Variants in NCALD observed in about 807,000 individuals in gnomAD.
NCALD encodes the protein neurocalcin-delta.
NCALD carries 10 observed loss-of-function variants against 18.6 expected under a neutral mutation model. That is an observed-to-expected ratio of 0.54 (90% CI 0.33 to 0.91). NCALD has a LOEUF of 0.91. Among genes scored for constraint, NCALD ranks in the 40% least tolerant of loss-of-function variants. NCALD has a pLI of 0.03. For synonymous variants in NCALD, 88 were observed against 87.4 expected (o/e 1.01, Z -0.04); for missense variants, 184 against 247.6 (o/e 0.74, Z 1.72).
At chr8:101,992,174 G>GGATA (rs758890636) in intron 2 of NCALD, among the ~76,000 whole-genome samples, 50 of 152,258 alleles carry the variant, frequency 3.3e-4, no homozygotes, top group Non-Finnish European at 5.9e-4. Flanking sequence ...ATGGATGGGT[G>GGATA]GATAGATGTG....
intron 1 of NCALD, among the ~76,000 whole-genome samples, chr8:101,782,379 T>C (rs149952532): frequency 1.4e-4 from 21 of 152,168 alleles, no homozygotes; most frequent in South Asian, 6.2e-4. Flanking sequence ...ATGAGAAAAA[T>C]GGACAAAAAT....
intron 4 of NCALD, among the ~76,000 whole-genome samples, chr8:101,840,188 A>C (rs190393998): frequency 1.3e-5 from 2 of 152,158 alleles, no homozygotes. Context: ...CTAGGTCTAT[A>C]ATAAGCCAGA....
intron 2 of NCALD, among the ~76,000 whole-genome samples, chr8:101,969,643 C>T (rs886661954): frequency 3.3e-5 from 5 of 152,128 alleles, no homozygotes; most frequent in African/African-American, 1.2e-4. Flanking sequence ...AAAAAAGACA[C>T]ACCTCAGAAG....
chr8:102,101,300 G>A (rs191127913), intron 1 of NCALD, among the ~76,000 whole-genome samples: 3 of 152,276 alleles, frequency 2.0e-5, no homozygotes, highest in East Asian at 1.9e-4. Flanking sequence ...CCTGAAATCC[G>A]CATTTTTATA....
intron 1 of NCALD, among the ~76,000 whole-genome samples, chr8:102,121,926 T>C (rs1387647285): frequency 6.6e-6 from 1 of 152,246 alleles, no homozygotes; most frequent in African/African-American, 2.4e-5. Flanking sequence ...CTGGCTTTAG[T>C]GAAAAGGACT....
At chr8:102,048,099 C>T (rs1483265788) in intron 1 of NCALD, among the ~76,000 whole-genome samples, 1 of 152,106 alleles carries the variant, frequency 6.6e-6, no homozygotes, top group Non-Finnish European at 1.5e-5. Flanking sequence ...TAAGGCAAAA[C>T]ATAAAAATAT....
chr8:101,735,054 GAAGGAAGC>G (rs1817013767), intron 1 of NCALD, among the ~76,000 whole-genome samples: 1 of 152,168 alleles, frequency 6.6e-6, no homozygotes, highest in African/African-American at 2.4e-5. Flanking sequence ...AAAACAAAAG[GAAGGAAGC>G]AAGGAAGGGA....
At chr8:101,879,735 C>A (rs1816400147) in intron 4 of NCALD, among the ~76,000 whole-genome samples, 1 of 152,172 alleles carries the variant, frequency 6.6e-6, no homozygotes. Context: ...CATTTACAAT[C>A]CCTGAGCTAG....
At position 102,000,734 on chromosome 8, in the gene NCALD, G is replaced by A. The variant is rs543609193; in HGVS notation, c.-157+19503C>T. Among the ~76,000 whole-genome samples, 3 of 152,320 alleles carry A rather than the reference G, an allele frequency of 2.0e-5. No homozygotes were observed. In the South Asian group the frequency reaches 6.2e-4, roughly 32 times the overall value. On this transcript the variant is annotated intron_variant, in intron 2 of 6. Transcript: ENST00000311028. Reference sequence around the variant, plus strand: ...GCTGTTCACCAATATCTGCTGTTCTGCAGCCTCTGCTGCTGATACCCAGGC... The same window carrying A: ...GCTGTTCACCAATATCTGCTGTTCTACAGCCTCTGCTGCTGATACCCAGGC...
In NCALD at chr8:101,897,364, G is replaced by A. The variant is rs185530902; in HGVS notation, c.-106-10137C>T. Among the ~76,000 whole-genome samples the A allele has an allele frequency of 1.2e-4, 16 of 134,730 alleles. No individual in the cohort carries two copies. The East Asian group carries it at 3.7e-3, about 31-fold the overall frequency. 88.4% of individuals were successfully genotyped at this position (134,730 alleles called of 152,430 possible). ...CGGAATATCACACTCTGGGGACTGT[G>A]GTGGGGTGGGGGGAGGGGGGAGGGA... On this transcript the variant is annotated intron_variant, in intron 3 of 6. Transcript: ENST00000311028.
rs543585186 is a variant in NCALD at position 101,895,490 on chromosome 8, T to C, written c.-106-8263A>G. Among the ~76,000 whole-genome samples, 76 of 151,664 alleles carry C rather than the reference T, an allele frequency of 5.0e-4. 1 individual carries two copies. In the South Asian group the frequency reaches 0.015, roughly 30 times the overall value. On this transcript the variant is annotated intron_variant, in intron 3 of 6. Coordinates refer to the NCALD transcript ENST00000311028. ...GCCCTCTCTCACCACTCCTGTTCAATATAGTGTTGGAAGTTCTGGCCAGGG... is the reference window on the plus strand; with the variant it reads ...GCCCTCTCTCACCACTCCTGTTCAACATAGTGTTGGAAGTTCTGGCCAGGG...
chr8:101,943,071 C>T (rs1199585028), intron 2 of NCALD, among the ~76,000 whole-genome samples: 5 of 152,050 alleles, frequency 3.3e-5, no homozygotes, highest in Non-Finnish European at 5.9e-5. Flanking sequence ...TGTTCTGGAG[C>T]GGGAAGCAAA....
intron 2 of NCALD, among the ~76,000 whole-genome samples, chr8:102,016,244 C>T (rs1822079869): frequency 6.6e-6 from 1 of 152,126 alleles, no homozygotes; most frequent in Non-Finnish European, 1.5e-5. Flanking sequence ...CTCTCTCCCA[C>T]ACAAAACACT....
chr8:102,036,776 A>G (rs1457312139), intron 1 of NCALD, among the ~76,000 whole-genome samples: 1 of 150,814 alleles, frequency 6.6e-6, no homozygotes, highest in Non-Finnish European at 1.5e-5. Flanking sequence ...AACAACAACA[A>G]CAACAAAAAA....
chr8:101,838,346 C>T (rs192723982), intron 4 of NCALD, among the ~76,000 whole-genome samples: 4 of 152,182 alleles, frequency 2.6e-5, no homozygotes, highest in South Asian at 2.1e-4. Context: ...CTCAGCCTCC[C>T]GAGTAGCTGG....
intron 2 of NCALD, among the ~76,000 whole-genome samples, chr8:102,014,297 C>T (rs188172124): frequency 5.9e-5 from 9 of 152,152 alleles, no homozygotes; most frequent in African/African-American, 2.2e-4. Flanking sequence ...CCTGCTATGT[C>T]CTCACATGAT....
At chr8:101,925,933 C>T (rs929632348) in intron 2 of NCALD, among the ~76,000 whole-genome samples, 6 of 152,158 alleles carry the variant, frequency 3.9e-5, no homozygotes, top group East Asian at 3.8e-4. Context: ...AGGCAAGAGA[C>T]GTTCACTGGG....
intron 4 of NCALD, among the ~76,000 whole-genome samples, chr8:101,831,806 C>G (rs1814199970): frequency 6.6e-6 from 1 of 152,206 alleles, no homozygotes; most frequent in African/African-American, 2.4e-5. Context: ...CTCAATGGCT[C>G]CTATCACTTC....
chr8:102,104,253 AAC>A (rs1178712608), intron 1 of NCALD, among the ~76,000 whole-genome samples: 2 of 152,152 alleles, frequency 1.3e-5, no homozygotes, highest in Admixed American at 6.5e-5. Flanking sequence ...TAGCTAAATA[AAC>A]TGGGTTTTAA....
Sources: gnomAD v4.1 joint callset for allele counts (sites outside exome capture counted in the v4.1 genomes callset) on GRCh38, gnomAD v4.1.1 for gene constraint, MANE v1.5 for transcripts, NCBI Gene and HGNC (gene_info 2026-07-23, HGNC 2026-07-21) for gene names.